RASA2: variants seen among roughly 807,000 people sequenced by gnomAD.
RASA2 encodes RAS p21 protein activator 2.
Under a neutral mutation model 118.2 loss-of-function variants are expected in RASA2, and 155 were observed. The observed-to-expected ratio is 1.31, with a 90% CI of 1.15 to 1.50. RASA2 has a LOEUF of 1.50. Ranked by LOEUF, RASA2 falls within the 40% of genes most tolerant of loss-of-function variation. The pLI is 0.00. For missense variants in RASA2, 1,016 were observed against 1,009.6 expected, an observed-to-expected ratio of 1.01 and a Z score of -0.09; for synonymous variants, 353 against 349.1, an observed-to-expected ratio of 1.01 and a Z score of -0.12.
In RASA2 at chr3:141,560,241, C is replaced by T. The variant is rs542259926; in HGVS notation, c.863+246C>T. On this transcript the variant is annotated intron_variant, in intron 9 of 23. Transcript: ENST00000286364. ...ATATTTTTCTGTTCAGAAGTGAAGACGACTCTTAAGGAGAAAAATGGGAAA... is the reference window on the plus strand; with the variant it reads ...ATATTTTTCTGTTCAGAAGTGAAGATGACTCTTAAGGAGAAAAATGGGAAA... 4.6e-5 allele frequency among the ~76,000 whole-genome samples: 7 copies of T among 152,082 alleles called. No homozygotes were observed. In the South Asian group the frequency reaches 1.2e-3, roughly 27 times the overall value.
chr3:141,570,997 G>A lies in RASA2; in HGVS notation c.949G>A (p.Glu317Lys). 1 of 1,612,576 alleles carries A rather than the reference G, an allele frequency of 6.2e-7. No individual in the cohort carries two copies. Among genetic ancestry groups the A allele is most frequent in the Non-Finnish European group, 8.5e-7 (1 of 1,179,302 alleles). Residue 317 changes from glutamate (E) to lysine (K), a missense_variant, in exon 10 of 24, where the codon GAA (glutamate) becomes AAA (lysine). This residue lies in a region of RASA2 where 896 missense variants were observed against 836.4 expected (regional missense o/e 1.07). Transcript: ENST00000286364. ...GSLRLNICYT[E>K]DYVLPSEYYG... is the part of the protein sequence containing the mutation. Reference sequence around the variant, plus strand: ...TCTTCGATTAAATATATGTTATACAGAAGACTACGTGCTTCCTTCAGAGTA... The same window carrying A: ...TCTTCGATTAAATATATGTTATACAAAAGACTACGTGCTTCCTTCAGAGTA...
At chr3:141,519,712 T>G (rs9289633) in intron 3 of RASA2, among the ~76,000 whole-genome samples, 1 of 152,124 alleles carries the variant, frequency 6.6e-6, no homozygotes, top group Non-Finnish European at 1.5e-5. Context: ...TGTAGCAAAC[T>G]GTTGATTATA....
At chr3:141,540,203 A>G (rs2082386671) in intron 4 of RASA2, among the ~76,000 whole-genome samples, 2 of 152,086 alleles carry the variant, frequency 1.3e-5, no homozygotes, top group Non-Finnish European at 2.9e-5. Context: ...AGCATCCTAC[A>G]TTTTATAATT....
At chr3:141,539,750 A>G (rs997679391) in intron 4 of RASA2, among the ~76,000 whole-genome samples, 6 of 152,192 alleles carry the variant, frequency 3.9e-5, no homozygotes, top group African/African-American at 1.4e-4. Context: ...AGAAATATCA[A>G]GCTCTAGATT....
At position 141,586,628 on chromosome 3, in the gene RASA2, C is replaced by T. The variant is rs952053453; in HGVS notation, c.1827-18C>T. On this transcript the variant is annotated intron_variant, in intron 18 of 23. Transcript: ENST00000286364. ...TTTAATTTTTATAGCTAAATGTTTA[C>T]ATCTGTTATGTTGGCAGTGAGATGT... 3.3e-6 allele frequency: 5 copies of T among 1,527,972 alleles called. No homozygotes were observed. Among genetic ancestry groups the T allele is most frequent in the South Asian group, 1.2e-5 (1 of 86,534 alleles). The allele number at this position is 1,527,972 out of a possible 1,614,324, so 94.7% of individuals were successfully genotyped here.
intron 19 of RASA2, 130 bp from the exon 20 acceptor site, chr3:141,607,548 T>C: frequency 1.1e-6 from 1 of 932,382 alleles, no homozygotes; most frequent in Non-Finnish European, 1.4e-6. Context: ...ATGCCATTTG[T>C]AAGTCTTCTG....
intron 1 of RASA2, among the ~76,000 whole-genome samples, chr3:141,490,337 A>AG (rs1409849578): frequency 5.4e-5 from 2 of 37,352 alleles, no homozygotes; most frequent in African/African-American, 6.1e-4. Context: ...CCTCCCCTCA[A>AG]AAAAAAAAAA....
chr3:141,516,206 A>G (rs906013525), intron 2 of RASA2, 122 bp from the exon 3 acceptor site: 37 of 618,470 alleles, frequency 6.0e-5, no homozygotes, highest in Non-Finnish European at 8.0e-5. Flanking sequence ...ATAATAAAAT[A>G]TATATATATT....
At chr3:141,605,041 A>G (rs905935726) in intron 19 of RASA2, among the ~76,000 whole-genome samples, 2 of 151,974 alleles carry the variant, frequency 1.3e-5, no homozygotes, top group Non-Finnish European at 2.9e-5. Context: ...ATTGCTGCTG[A>G]TGAGGATTTT....
chr3:141,527,936 G>A (rs2082206192), intron 3 of RASA2, among the ~76,000 whole-genome samples: 1 of 151,872 alleles, frequency 6.6e-6, no homozygotes, highest in African/African-American at 2.4e-5. Flanking sequence ...TTTTCCATGT[G>A]ATTTGAATGA....
intron 1 of RASA2, among the ~76,000 whole-genome samples, chr3:141,491,544 A>G (rs1044568218): frequency 2.0e-5 from 3 of 152,168 alleles, no homozygotes; most frequent in African/African-American, 4.8e-5. Flanking sequence ...CTACCTCACA[A>G]TGTTATCCTG....
Position 141,570,913 on chromosome 3 carries a change from T to C in RASA2, c.865T>C (p.Tyr289His), listed in dbSNP as rs2151129137. The C allele has an allele frequency of 6.2e-6, 10 of 1,602,314 alleles. No homozygotes were observed. Among genetic ancestry groups the C allele is most frequent in the Non-Finnish European group, 8.5e-6 (10 of 1,176,204 alleles). Residue 289 changes from tyrosine to histidine, a missense_variant and splice_region_variant, in exon 10 of 24, where the codon TAC becomes CAC. This residue lies in a region of RASA2 where 896 missense variants were observed against 836.4 expected (regional missense o/e 1.07). Transcript: ENST00000286364. ...GAATCACTTATATTTTTACTTTAGG[T>C]ACTTGCTACAGCCAAGAGACAATGG... ...LRTDSSHQAWYLLQPRDNGNK... is the reference protein window; with the variant it reads ...LRTDSSHQAWHLLQPRDNGNK...
In RASA2 at chr3:141,560,000, G is replaced by C; in HGVS notation, c.863+5G>C. ...TGATTCCTCTCATCAAGCCTGGTAAGGGCCCAGCATTTTAGTGAACTCCAT... is the reference window on the plus strand; with the variant it reads ...TGATTCCTCTCATCAAGCCTGGTAACGGCCCAGCATTTTAGTGAACTCCAT... On this transcript the variant is annotated splice_donor_5th_base_variant and intron_variant, in intron 9 of 23. Transcript: ENST00000286364. 1 of 1,606,466 alleles carries C rather than the reference G, an allele frequency of 6.2e-7. No homozygotes were observed. Among genetic ancestry groups the C allele is most frequent in the Non-Finnish European group, 8.5e-7 (1 of 1,173,476 alleles).
At chr3:141,508,579 A>T (rs529785166) in intron 1 of RASA2, among the ~76,000 whole-genome samples, 1 of 152,154 alleles carries the variant, frequency 6.6e-6, no homozygotes. Flanking sequence ...AGATCTCACC[A>T]TGTTGCCAAG....
At chr3:141,563,970 C>CTT (rs539729864) in intron 9 of RASA2, among the ~76,000 whole-genome samples, 4 of 126,858 alleles carry the variant, frequency 3.2e-5, no homozygotes, top group South Asian at 2.6e-4. Context: ...GTTGTGAAGT[C>CTT]TTTTTTTTTT....
At chr3:141,571,092 T>C in intron 10 of RASA2, 24 bp downstream of exon 10, 1 of 1,572,928 alleles carries the variant, frequency 6.4e-7, no homozygotes, top group South Asian at 1.2e-5. Context: ...CTTAAGGATA[T>C]GATTTAACAC....
intron 19 of RASA2, among the ~76,000 whole-genome samples, chr3:141,599,152 A>G (rs983103424): frequency 3.3e-5 from 5 of 152,066 alleles, no homozygotes; most frequent in Admixed American, 6.5e-5. Context: ...TGAAACTACA[A>G]AACACTCCGG....
chr3:141,531,898 T>C (rs185273741), intron 4 of RASA2, among the ~76,000 whole-genome samples: 2 of 152,148 alleles, frequency 1.3e-5, no homozygotes, highest in Admixed American at 1.3e-4. Context: ...AATCATCCCA[T>C]GGTTCATACA....
chr3:141,581,101 C>CTT lies in RASA2; in HGVS notation c.1676_1677insTT (p.Ser560Ter). The stretch of plus-strand genomic sequence containing the variant: ...AACCCTGTGTTTGTTTTTTCTTAGT[C>CTT]AAGTTTCAAAGAGACATTCATGTGT... On this transcript the variant is annotated frameshift_variant and splice_region_variant, in exon 17 of 24. Transcript: ENST00000286364. LOFTEE classifies it high-confidence loss of function. 6.5e-7 allele frequency: 1 copy of CTT among 1,527,272 alleles called. No homozygotes were observed. Among genetic ancestry groups the CTT allele is most frequent in the Non-Finnish European group, 8.7e-7 (1 of 1,145,602 alleles). The allele number at this position is 1,527,272 out of a possible 1,614,324, so 94.6% of individuals were successfully genotyped here.
Sources: gnomAD v4.1 joint callset for allele counts (sites outside exome capture counted in the v4.1 genomes callset) on GRCh38, gnomAD v4.1.1 for gene constraint, gnomAD v4.1.1 regional missense constraint, MANE v1.5 for transcripts, NCBI Gene and HGNC (gene_info 2026-07-23, HGNC 2026-07-21) for gene names.